The following SCRN3 variants were observed in gnomAD, a reference collection of about 807,000 sequenced individuals.
SCRN3 encodes secernin-3.
SCRN3 carries 39 observed loss-of-function variants against 43.1 expected under a neutral mutation model. The observed-to-expected ratio is 0.91, with a 90% CI of 0.70 to 1.18. SCRN3 has a LOEUF of 1.18. Among genes scored for constraint, SCRN3 ranks in the 50% most tolerant of loss-of-function variants. The probability of loss-of-function intolerance (pLI) is 0.00; values close to 1 mark genes in which losing one functional copy is unlikely to be tolerated. For missense variants in SCRN3, 484 were observed against 498.0 expected (o/e 0.97, Z 0.27); for synonymous variants, 147 against 163.1 (o/e 0.90, Z 0.75).
chr2:174,399,899 CTTTTTTTT>C lies in SCRN3; in HGVS notation c.160-12_160-5del. 8.7e-7 allele frequency: 1 copy of C among 1,154,058 alleles called. No homozygotes were observed. The highest frequency in any genetic ancestry group is 1.1e-6 in the Non-Finnish European group (1 of 903,076). The allele number at this position is 1,154,058 out of a possible 1,614,324, so 71.5% of individuals were successfully genotyped here. ...TCTGGTTTTGTGGTTCTTGCTATGA[CTTTTTTTT>C]TTTTTTTTTTACAGTGTACATATAT... is the stretch of plus-strand genomic sequence containing the variant. On this transcript the variant is annotated splice_polypyrimidine_tract_variant and intron_variant, in intron 2 of 7. Coordinates refer to ENST00000272732, the MANE Select transcript of SCRN3 (RefSeq NM_024583.5).
chr2:174,423,720 C>T (rs981983161), intron 6 of SCRN3, among the ~76,000 whole-genome samples: 17 of 151,366 alleles, frequency 1.1e-4, no homozygotes, highest in African/African-American at 2.9e-4. Context: ...CCGCCCACCT[C>T]GGCCTCCCAA....
intron 5 of SCRN3, among the ~76,000 whole-genome samples, chr2:174,406,638 T>C (rs1685704475): frequency 1.3e-5 from 2 of 149,204 alleles, no homozygotes; most frequent in South Asian, 2.1e-4. Context: ...GTCCCATCAA[T>C]ACCTAATTTA....
chr2:174,406,950 G>C (rs1332362674), intron 5 of SCRN3, among the ~76,000 whole-genome samples: 2 of 94,082 alleles, frequency 2.1e-5, no homozygotes, highest in African/African-American at 7.3e-5. Flanking sequence ...CCCAGCTTTG[G>C]TATCAGAATG....
In SCRN3 at chr2:174,416,755, T is replaced by G. The variant is rs139927504; in HGVS notation, c.755-6130T>G. 6.2e-4 allele frequency among the ~76,000 whole-genome samples: 95 copies of G among 152,354 alleles called. 2 individuals are homozygous for G. In the East Asian group the frequency reaches 0.017, roughly 28 times the overall value. ...ATATTTTCAGTCTTTTATTGACAGG[T>G]ACACAGGAAGTGGCAAAGGATCTTT... On this transcript the variant is annotated intron_variant, in intron 5 of 7. Transcript: ENST00000272732.
rs187598711 is a variant in SCRN3, at chr2:174,423,043, G to A, written c.913G>A (p.Glu305Lys). ...IHFFTGTPDP[E>K]RSVFKPFIFV... is the part of the protein sequence containing the mutation. Reference sequence around the variant, plus strand: ...CTTCTTTACAGGGACTCCTGATCCTGAGAGGTGAAGCCACAAAATACTATA... The same window carrying A: ...CTTCTTTACAGGGACTCCTGATCCTAAGAGGTGAAGCCACAAAATACTATA... The change falls in exon 6 of 8, where the codon GAG (glutamate) becomes AAG (lysine). Residue 305 changes from glutamate (E) to lysine (K), a missense_variant. Transcript: ENST00000272732. The A allele has an allele frequency of 1.5e-5, 24 of 1,611,672 alleles. No individual in the cohort carries two copies. In the Middle Eastern group the frequency reaches 6.6e-4, roughly 44 times the overall value.
Position 174,427,804 on chromosome 2 carries a change from A to G in SCRN3, c.1184A>G (p.Asp395Gly). The G allele has an allele frequency of 1.2e-6, 2 of 1,611,326 alleles. No individual in the cohort carries two copies. The highest frequency in any genetic ancestry group is 1.1e-5 in the South Asian group (1 of 91,002). Residue 395 changes from aspartate to glycine, a missense_variant, in exon 8 of 8, where the codon GAT (aspartate) becomes GGT (glycine). By Grantham distance (94) the Asp-to-Gly change is moderately conservative. Transcript: ENST00000272732. Reference sequence around the variant, plus strand: ...TCAATCCTTCAAAACAAGCATCTTGATGTGGAGAAAATTGTTAATCTCTTT... The same window carrying G: ...TCAATCCTTCAAAACAAGCATCTTGGTGTGGAGAAAATTGTTAATCTCTTT... ...MESILQNKHL[D>G]VEKIVNLFPQ...
chr2:174,401,367 T>A (rs1685504158), intron 4 of SCRN3, among the ~76,000 whole-genome samples, 178 bp downstream of exon 4: 1 of 152,204 alleles, frequency 6.6e-6, no homozygotes, highest in Non-Finnish European at 1.5e-5. Flanking sequence ...AGAGCTTTCT[T>A]GAAAAAGATA....
intron 3 of SCRN3, among the ~76,000 whole-genome samples, 155 bp downstream of exon 3, chr2:174,400,258 T>G (rs1161709347): frequency 6.6e-6 from 1 of 152,122 alleles, no homozygotes; most frequent in Non-Finnish European, 1.5e-5. Context: ...ATTTCATGAC[T>G]CTCAGTTTTG....
chr2:174,426,751 G>A (rs1302081268), intron 7 of SCRN3, among the ~76,000 whole-genome samples: 3 of 151,676 alleles, frequency 2.0e-5, no homozygotes, highest in African/African-American at 4.8e-5. Flanking sequence ...TAGCCTGGGC[G>A]ACAGAATGAG....
intron 5 of SCRN3, among the ~76,000 whole-genome samples, chr2:174,411,598 A>G (rs988756413): frequency 1.9e-4 from 29 of 152,122 alleles, no homozygotes; most frequent in African/African-American, 7.0e-4. Flanking sequence ...TTTTTAAAAA[A>G]TCGTTAAGCA....
At chr2:174,418,127 A>G (rs922187044) in intron 5 of SCRN3, among the ~76,000 whole-genome samples, 4 of 152,234 alleles carry the variant, frequency 2.6e-5, no homozygotes, top group Non-Finnish European at 4.4e-5. Context: ...TAGCTACTAC[A>G]TCATAATAAT....
intron 4 of SCRN3, among the ~76,000 whole-genome samples, chr2:174,402,223 G>C (rs1351971694): frequency 6.6e-6 from 1 of 152,146 alleles, no homozygotes; most frequent in Non-Finnish European, 1.5e-5. Flanking sequence ...GTGCAAGAGA[G>C]AACTGAATAA....
chr2:174,406,312 TC>T (rs1265950944), intron 5 of SCRN3, among the ~76,000 whole-genome samples: 2 of 140,966 alleles, frequency 1.4e-5, no homozygotes, highest in African/African-American at 4.9e-5. Flanking sequence ...TGATTTTGTA[TC>T]CTGAGACTTT....
chr2:174,398,593 T>C (rs189308116), intron 2 of SCRN3, 151 bp downstream of exon 2: 1 of 595,930 alleles, frequency 1.7e-6, no homozygotes, highest in East Asian at 3.4e-5. Flanking sequence ...CTGTGATCTT[T>C]TATTTCAGTG....
intron 5 of SCRN3, 42 bp from the exon 6 acceptor site, chr2:174,422,843 A>G (rs371689574): frequency 1.6e-6 from 2 of 1,242,658 alleles, no homozygotes; most frequent in South Asian, 1.3e-5. Flanking sequence ...AGGCATCCGT[A>G]TATGCATATG....
At position 174,400,071 on chromosome 2, in the gene SCRN3, T is replaced by G; in HGVS notation, c.309T>G (p.Asp103Glu). Residue 103 changes from aspartate (D) to glutamate (E), a missense_variant, in exon 3 of 8, where the codon GAT becomes GAG. Asp to Glu is a conservative substitution (Grantham distance 45). Transcript: ENST00000272732. ...TATGGGGAAGAGAAGAAGTTTGTGA[T>G]GAAGAAGCACTATTAGGAATGGACC... ...EAVWGREEVC[D>E]EEALLGMDLV... 2 of 1,589,964 alleles carry G rather than the reference T, an allele frequency of 1.3e-6. No homozygotes were observed. Among genetic ancestry groups the G allele is most frequent in the Non-Finnish European group, 1.7e-6 (2 of 1,170,852 alleles).
chr2:174,396,402 A>G (rs1047819694), intron 1 of SCRN3: 3 of 842,508 alleles, frequency 3.6e-6, no homozygotes, highest in South Asian at 5.4e-5. Flanking sequence ...TCAGGTTACT[A>G]TTGCAGCTTG....
At chr2:174,396,520 G>T (rs1438762341) in intron 1 of SCRN3, among the ~76,000 whole-genome samples, 1 of 152,132 alleles carries the variant, frequency 6.6e-6, no homozygotes, top group African/African-American at 2.4e-5. Context: ...ACCTTGGCCG[G>T]GCGCGGTAGC....
intron 4 of SCRN3, among the ~76,000 whole-genome samples, chr2:174,402,054 T>A (rs1685525228): frequency 6.6e-6 from 1 of 152,206 alleles, no homozygotes; most frequent in African/African-American, 2.4e-5. Flanking sequence ...TTGGGTGTTA[T>A]TTTTCAAAAC....
Sources: gnomAD v4.1 joint callset for allele counts (sites outside exome capture counted in the v4.1 genomes callset) on GRCh38, gnomAD v4.1.1 for gene constraint, MANE v1.5 for transcripts, NCBI Gene and HGNC (gene_info 2026-07-23, HGNC 2026-07-21) for gene names.